SLIT3: variants seen among roughly 807,000 people sequenced by gnomAD.
SLIT3 encodes the protein slit guidance ligand 3, also known as slit homolog 3 protein.
A neutral mutation model predicts 184.0 loss-of-function variants in SLIT3; 68 were observed. That is an observed-to-expected ratio of 0.37 (90% CI 0.30 to 0.45). SLIT3 has a LOEUF of 0.45. SLIT3 is among the 20% of genes least tolerant of loss of function. SLIT3 has a pLI of 1.00. For missense variants in SLIT3, 1,707 were observed against 2,026.0 expected, an observed-to-expected ratio of 0.84 and a Z score of 3.02; for synonymous variants, 831 against 828.6, an observed-to-expected ratio of 1.00 and a Z score of -0.05.
chr5:169,239,899 A>G (rs958230250), intron 3 of SLIT3, among the ~76,000 whole-genome samples: 1 of 152,092 alleles, frequency 6.6e-6, no homozygotes, highest in African/African-American at 2.4e-5. Context: ...GAATTGAATA[A>G]TATAGCTTAA....
chr5:168,683,951 G>C lies in SLIT3; in HGVS notation c.3686+15C>G, dbSNP rs902104810. On this transcript the variant is annotated intron_variant, in intron 32 of 35. Coordinates refer to ENST00000519560, the MANE Select transcript of SLIT3 (RefSeq NM_003062.4). The stretch of plus-strand genomic sequence containing the variant: ...GAGGAACACACAGTGGGTCAGGAGG[G>C]AGAGAGGCCCTTACCTGTACACTGT... 6 of 1,504,756 alleles carry C rather than the reference G, an allele frequency of 4.0e-6. No individual in the cohort carries two copies. The highest frequency in any genetic ancestry group is 5.4e-6 in the Non-Finnish European group (6 of 1,118,102). The allele number at this position is 1,504,756 out of a possible 1,614,324, so 93.2% of individuals were successfully genotyped here.
At chr5:168,854,218 G>C (rs148901402) in intron 5 of SLIT3, among the ~76,000 whole-genome samples, 100 of 152,204 alleles carry the variant, frequency 6.6e-4, no homozygotes, top group African/African-American at 2.2e-3. Context: ...TGACTGTGTG[G>C]GTGTAACTCA....
chr5:168,711,381 G>T (rs535592458), intron 24 of SLIT3, among the ~76,000 whole-genome samples: 2 of 152,160 alleles, frequency 1.3e-5, no homozygotes, highest in Admixed American at 6.5e-5. Flanking sequence ...CTGATTATCT[G>T]GTTCCCTTGC....
intron 2 of SLIT3, among the ~76,000 whole-genome samples, chr5:169,248,351 T>C (rs928530559): frequency 6.6e-6 from 1 of 152,136 alleles, no homozygotes; most frequent in African/African-American, 2.4e-5. Flanking sequence ...CCTAGTTCCA[T>C]CACATTCCAG....
chr5:168,734,519 A>T (rs1239805949), intron 20 of SLIT3, among the ~76,000 whole-genome samples: 1 of 152,172 alleles, frequency 6.6e-6, no homozygotes, highest in Non-Finnish European at 1.5e-5. Context: ...TTTCAATATC[A>T]GTTCCCACAC....
intron 6 of SLIT3, among the ~76,000 whole-genome samples, chr5:168,833,974 A>C (rs1363703967): frequency 6.6e-6 from 1 of 152,236 alleles, no homozygotes; most frequent in Non-Finnish European, 1.5e-5. Flanking sequence ...AGAAGTGGTC[A>C]TGGATGCCCA....
intron 4 of SLIT3, among the ~76,000 whole-genome samples, chr5:169,189,564 A>G (rs917532489): frequency 2.7e-4 from 30 of 109,630 alleles, no homozygotes; most frequent in Admixed American, 4.1e-4. Context: ...ATATATATAT[A>G]TATATATATA....
chr5:168,963,574 C>A (rs1359682992), intron 4 of SLIT3, among the ~76,000 whole-genome samples: 1 of 152,220 alleles, frequency 6.6e-6, no homozygotes, highest in Non-Finnish European at 1.5e-5. Context: ...TATTTACTAT[C>A]TGCTGTGTTA....
At chr5:168,687,148 C>G (rs1761772026) in intron 29 of SLIT3, 32 bp from the exon 30 acceptor site, 1 of 1,605,194 alleles carries the variant, frequency 6.2e-7, no homozygotes, top group Admixed American at 1.7e-5. Context: ...GGCCGTTCCT[C>G]AAGGCAAAGC....
At chr5:168,862,713 C>T (rs763681436) in intron 5 of SLIT3, among the ~76,000 whole-genome samples, 1 of 151,036 alleles carries the variant, frequency 6.6e-6, no homozygotes, top group Non-Finnish European at 1.5e-5. Context: ...TTGCTCTTGT[C>T]GCCCAGGCTG....
chr5:168,671,494 G>T lies in SLIT3; in HGVS notation c.3842-11C>A, dbSNP rs1423190013. ...TGGAGGTGGGGATGCCTGTGGGAGG[G>T]GAGCCAGGACAGTGGCCTGAAGACC... On this transcript the variant is annotated splice_polypyrimidine_tract_variant and intron_variant, in intron 33 of 35. Transcript: ENST00000519560. 1.9e-6 allele frequency: 3 copies of T among 1,607,054 alleles called. No homozygotes were observed. Among genetic ancestry groups the T allele is most frequent in the Non-Finnish European group, 1.7e-6 (2 of 1,177,064 alleles).
At chr5:169,268,574 G>A (rs561906491) in intron 1 of SLIT3, among the ~76,000 whole-genome samples, 3 of 152,270 alleles carry the variant, frequency 2.0e-5, no homozygotes, top group East Asian at 1.9e-4. Flanking sequence ...AGCAGACACA[G>A]CCCCCATATC....
intron 1 of SLIT3, among the ~76,000 whole-genome samples, chr5:169,269,435 A>G (rs2113628474): frequency 6.6e-6 from 1 of 152,350 alleles, no homozygotes; most frequent in Admixed American, 6.5e-5. Context: ...CTGCCTAGAA[A>G]TGTGTCCCCA....
chr5:168,875,611 G>A (rs6879541), intron 5 of SLIT3, among the ~76,000 whole-genome samples: 31,708 of 151,246 alleles, frequency 0.21, 3,614 homozygotes, highest in South Asian at 0.31. Context: ...CCCGGCCTGG[G>A]CAACAAGAGC....
chr5:168,842,475 T>TTTTTTG (rs200480245), intron 6 of SLIT3, among the ~76,000 whole-genome samples: 85 of 131,864 alleles, frequency 6.4e-4, no homozygotes, highest in East Asian at 3.2e-3. Context: ...TTTCGTTTTT[T>TTTTTTG]TTTTTTTTTT....
intron 4 of SLIT3, among the ~76,000 whole-genome samples, chr5:168,975,462 C>G (rs113696091): frequency 2.0e-5 from 3 of 151,914 alleles, no homozygotes; most frequent in East Asian, 1.9e-4. Flanking sequence ...GACACCCCCC[C>G]ACACACACAG....
intron 4 of SLIT3, among the ~76,000 whole-genome samples, chr5:169,034,744 T>C (rs922517689): frequency 4.1e-5 from 6 of 147,620 alleles, no homozygotes; most frequent in Admixed American, 2.7e-4. Flanking sequence ...ACATTTCCTA[T>C]GATTTTTTTT....
At chr5:168,807,715 A>C (rs1757018760) in intron 8 of SLIT3, among the ~76,000 whole-genome samples, 1 of 152,170 alleles carries the variant, frequency 6.6e-6, no homozygotes, top group Admixed American at 6.5e-5. Flanking sequence ...TTGTAGATTA[A>C]ACACAGAACA....
At chr5:168,825,454 C>T (rs1460875709) in intron 6 of SLIT3, among the ~76,000 whole-genome samples, 3 of 152,062 alleles carry the variant, frequency 2.0e-5, no homozygotes, top group Non-Finnish European at 4.4e-5. Flanking sequence ...CTTCTTTCTC[C>T]CTCCCTCCCT....
Sources: gnomAD v4.1 joint callset for allele counts (sites outside exome capture counted in the v4.1 genomes callset) on GRCh38, gnomAD v4.1.1 for gene constraint, MANE v1.5 for transcripts, NCBI Gene and HGNC (gene_info 2026-07-23, HGNC 2026-07-21) for gene names.